The following MRPL1 variants were observed in gnomAD, a reference collection of about 807,000 sequenced individuals.
The protein encoded by MRPL1 is large ribosomal subunit protein uL1m.
In MRPL1, 28 loss-of-function variants were observed where a neutral mutation model predicts 38.0. The ratio of observed to expected loss-of-function variants is 0.74; its 90% CI spans 0.55 to 1.01. The LOEUF (loss-of-function observed/expected upper bound fraction) is 1.01. Ranked by LOEUF, MRPL1 falls within the 50% of genes least tolerant of loss-of-function variation. The probability of loss-of-function intolerance (pLI) is 0.00; values close to 1 mark genes in which losing one functional copy is unlikely to be tolerated. For synonymous variants in MRPL1, 123 were observed against 126.7 expected, an observed-to-expected ratio of 0.97 and a Z score of 0.20; for missense variants, 358 against 389.8, an observed-to-expected ratio of 0.92 and a Z score of 0.69.
intron 1 of MRPL1, among the ~76,000 whole-genome samples, chr4:77,867,803 C>T (rs565103655): frequency 3.3e-4 from 45 of 135,986 alleles, no homozygotes; most frequent in South Asian, 1.6e-3. Context: ...GTCGACCAGG[C>T]TAGAGGGCAG....
intron 7 of MRPL1, among the ~76,000 whole-genome samples, chr4:77,927,031 C>T (rs11732039): frequency 0.15 from 22,418 of 150,730 alleles, 1,895 homozygotes; most frequent in South Asian, 0.25. Context: ...TTCTTCTTCC[C>T]TTTCTCTCAT....
chr4:77,925,745 A>C (rs1257770435), intron 7 of MRPL1, among the ~76,000 whole-genome samples: 1 of 150,286 alleles, frequency 6.7e-6, no homozygotes, highest in East Asian at 2.0e-4. Context: ...TTTGATTCTT[A>C]GTTTTCTTGT....
chr4:77,935,074 GT>G (rs948830536), intron 7 of MRPL1, among the ~76,000 whole-genome samples: 3 of 152,106 alleles, frequency 2.0e-5, no homozygotes, highest in African/African-American at 4.8e-5. Context: ...CTGTTATTTT[GT>G]TTATATGACA....
intron 7 of MRPL1, among the ~76,000 whole-genome samples, chr4:77,927,304 C>T (rs1458737517): frequency 6.6e-6 from 1 of 152,208 alleles, no homozygotes; most frequent in African/African-American, 2.4e-5. Context: ...AGGTTGTTTT[C>T]TAAAGATGTT....
chr4:77,898,988 GATTTTTT>G (rs780147198), intron 6 of MRPL1, among the ~76,000 whole-genome samples: 2 of 140,574 alleles, frequency 1.4e-5, no homozygotes, highest in African/African-American at 5.4e-5. Context: ...CTTATGCACA[GATTTTTT>G]TTTTTTTTTT....
At chr4:77,944,624 T>G (rs1737212245) in intron 7 of MRPL1, among the ~76,000 whole-genome samples, 1 of 152,100 alleles carries the variant, frequency 6.6e-6, no homozygotes. Context: ...CTTGACAGAG[T>G]GAGGGTTAAG....
rs56820423 is a variant in MRPL1, at chr4:77,890,091, A to G, written c.558+2800A>G. 5.3e-3 allele frequency among the ~76,000 whole-genome samples: 814 copies of G among 152,326 alleles called. 7 individuals carry two copies. The highest frequency in any genetic ancestry group is 0.018 in the African/African-American group (766 of 41,572). ...TACCATTCCTTCTGAAACTATTCCA[A>G]TCAATAGAAAAAGAGGGAATCCTCC... On this transcript the variant is annotated intron_variant, in intron 5 of 8. Coordinates refer to ENST00000315567, the MANE Select transcript of MRPL1 (RefSeq NM_020236.4).
chr4:77,942,935 C>T (rs982423663), intron 7 of MRPL1, among the ~76,000 whole-genome samples: 4 of 151,882 alleles, frequency 2.6e-5, no homozygotes, highest in Admixed American at 2.6e-4. Flanking sequence ...TGCCTGATAC[C>T]CTTTTTTAAA....
At chr4:77,934,152 C>G (rs1402141567) in intron 7 of MRPL1, among the ~76,000 whole-genome samples, 1 of 152,190 alleles carries the variant, frequency 6.6e-6, no homozygotes, top group Non-Finnish European at 1.5e-5. Flanking sequence ...GAAATTGTTA[C>G]TTACTGACAC....
rs1388561950 is a variant in MRPL1 at position 77,887,225 on chromosome 4, A to T, written c.492A>T (p.Ala164=). The T allele has an allele frequency of 6.2e-7, 1 of 1,612,738 alleles. No homozygotes were observed. Among genetic ancestry groups the T allele is most frequent in the Non-Finnish European group, 8.5e-7 (1 of 1,178,716 alleles). The part of the protein sequence containing the change: ...INKVAVFTEN[A]SEVKIAEENG... ...AAATTATTGTGTTTTGGTAGAATGC[A>T]TCAGAGGTCAAAATAGCGGAAGAAA... Residue 164 remains alanine, a synonymous_variant, in exon 5 of 9, where the codon GCA becomes GCT. Coordinates refer to ENST00000315567, the MANE Select transcript of MRPL1 (RefSeq NM_020236.4).
At chr4:77,920,052 G>A (rs1175906250) in intron 7 of MRPL1, among the ~76,000 whole-genome samples, 3 of 152,080 alleles carry the variant, frequency 2.0e-5, no homozygotes, top group Non-Finnish European at 4.4e-5. Context: ...CATAGGTAAT[G>A]CACACTGGAA....
intron 7 of MRPL1, among the ~76,000 whole-genome samples, chr4:77,925,574 T>C (rs1736696199): frequency 6.6e-6 from 1 of 151,938 alleles, no homozygotes; most frequent in Non-Finnish European, 1.5e-5. Flanking sequence ...TTGTAGTTTA[T>C]TGCTGCTTTT....
At chr4:77,871,600 G>C in intron 1 of MRPL1, 144 bp from the exon 2 acceptor site, 1 of 518,014 alleles carries the variant, frequency 1.9e-6, no homozygotes, top group Non-Finnish European at 3.4e-6. Flanking sequence ...CACTGTGCCT[G>C]GCTATTATTA....
At chr4:77,895,510 C>T (rs1434776838) in intron 6 of MRPL1, among the ~76,000 whole-genome samples, 1 of 152,004 alleles carries the variant, frequency 6.6e-6, no homozygotes, top group African/African-American at 2.4e-5. Flanking sequence ...TTAGATAGTG[C>T]TGGATGTCTG....
intron 6 of MRPL1, among the ~76,000 whole-genome samples, chr4:77,905,656 C>T (rs2110246363): frequency 6.6e-6 from 1 of 152,168 alleles, no homozygotes; most frequent in African/African-American, 2.4e-5. Flanking sequence ...TAGGATGGAA[C>T]TACCTTAAAA....
intron 5 of MRPL1, 92 bp from the exon 6 acceptor site, chr4:77,894,047 T>G: frequency 1.3e-6 from 1 of 741,052 alleles, no homozygotes; most frequent in South Asian, 1.7e-5. Flanking sequence ...GTCTGTTTTC[T>G]GAATTATAAA....
chr4:77,878,113 G>T (rs1026388058), intron 2 of MRPL1, among the ~76,000 whole-genome samples: 1 of 152,150 alleles, frequency 6.6e-6, no homozygotes, highest in Non-Finnish European at 1.5e-5. Flanking sequence ...GTGCTCTGGC[G>T]CAAGGGAGAC....
Position 77,866,038 on chromosome 4 carries a change from C to G in MRPL1, c.31+3159C>G, listed in dbSNP as rs537114286. Among the ~76,000 whole-genome samples the G allele has an allele frequency of 5.9e-5, 9 of 152,112 alleles. No homozygotes were observed. The East Asian group carries it at 1.4e-3, about 23-fold the overall frequency. Reference sequence around the variant, plus strand: ...TATACATTAGATTTTGAGGGCTTAGCATAAAAAAAAACATGTAAAATACTT... The same window carrying G: ...TATACATTAGATTTTGAGGGCTTAGGATAAAAAAAAACATGTAAAATACTT... On this transcript the variant is annotated intron_variant, in intron 1 of 8. Coordinates refer to ENST00000315567, the MANE Select transcript of MRPL1 (RefSeq NM_020236.4).
At chr4:77,944,011 G>T (rs1464916858) in intron 7 of MRPL1, among the ~76,000 whole-genome samples, 1 of 152,172 alleles carries the variant, frequency 6.6e-6, no homozygotes, top group Non-Finnish European at 1.5e-5. Context: ...TATTTGGGCA[G>T]ACTACATCAG....
Sources: gnomAD v4.1 joint callset for allele counts (sites outside exome capture counted in the v4.1 genomes callset) on GRCh38, gnomAD v4.1.1 for gene constraint, MANE v1.5 for transcripts, NCBI Gene and HGNC (gene_info 2026-07-23, HGNC 2026-07-21) for gene names.